GTF2IRD1: variants seen among roughly 807,000 people sequenced by gnomAD.
The protein encoded by GTF2IRD1 is GTF2I repeat domain containing 1, also known as general transcription factor II-I repeat domain-containing protein 1.
Under a neutral mutation model 113.2 loss-of-function variants are expected in GTF2IRD1, and 26 were observed. The ratio of observed to expected loss-of-function variants is 0.23; its 90% CI spans 0.17 to 0.32. GTF2IRD1 has a LOEUF of 0.32. Among genes scored for constraint, GTF2IRD1 ranks in the 10% least tolerant of loss-of-function variants. GTF2IRD1 has a pLI of 1.00. For missense variants in GTF2IRD1, 864 were observed against 1,280.8 expected (o/e 0.67, Z 4.97); for synonymous variants, 484 against 529.1 (o/e 0.91, Z 1.17).
At chr7:74,546,186 G>A (rs1156552284) in intron 16 of GTF2IRD1, among the ~76,000 whole-genome samples, 1 of 150,868 alleles carries the variant, frequency 6.6e-6, no homozygotes, top group Non-Finnish European at 1.5e-5. Context: ...GTGGTGTGCC[G>A]GGCATGAGGC....
At chr7:74,565,019 A>G (rs1350891108) in intron 22 of GTF2IRD1, among the ~76,000 whole-genome samples, 2 of 151,226 alleles carry the variant, frequency 1.3e-5, no homozygotes, top group Non-Finnish European at 2.9e-5. Flanking sequence ...AAAGCACCAG[A>G]CTGAACTGGA....
At chr7:74,563,159 C>A (rs1484512649) in intron 22 of GTF2IRD1, among the ~76,000 whole-genome samples, 1 of 151,822 alleles carries the variant, frequency 6.6e-6, no homozygotes, top group Non-Finnish European at 1.5e-5. Flanking sequence ...AAAGGCCTAA[C>A]GGTGGGATCT....
rs539692009 is a variant in GTF2IRD1, at chr7:74,491,233, G to A, written c.-6-16842G>A. Among the ~76,000 whole-genome samples, 5 of 151,934 alleles carry A rather than the reference G, an allele frequency of 3.3e-5. No individual in the cohort carries two copies. The East Asian group carries it at 5.8e-4, about 18-fold the overall frequency. On this transcript the variant is annotated intron_variant, in intron 1 of 26. Coordinates refer to ENST00000424337, the MANE Select transcript of GTF2IRD1 (RefSeq NM_005685.4). The stretch of plus-strand genomic sequence containing the variant: ...AGGCACGAGAATCGCCTGAACCCTG[G>A]AGGTGGAGGTTGCAGTGAGCTGAGA...
intron 17 of GTF2IRD1, among the ~76,000 whole-genome samples, chr7:74,553,074 G>A (rs1554355538): frequency 1.3e-5 from 2 of 152,254 alleles, no homozygotes; most frequent in East Asian, 3.9e-4. Flanking sequence ...CTAACCTTAA[G>A]TGATCCATCC....
rs587768508 is a variant in GTF2IRD1, at chr7:74,582,838, G to A, written c.2321-7013G>A. On this transcript the variant is annotated intron_variant, in intron 22 of 26. Transcript: ENST00000424337. ...TACTCCATTTCCTTCAAAAACTCAC[G>A]ATTTAAAAAAATGTAGCCTGGGCAA... 6.6e-5 allele frequency among the ~76,000 whole-genome samples: 10 copies of A among 151,814 alleles called. No individual in the cohort carries two copies. In the East Asian group the frequency reaches 9.7e-4, roughly 15 times the overall value.
chr7:74,572,313 A>G (rs1256217449), intron 22 of GTF2IRD1, among the ~76,000 whole-genome samples: 2 of 152,190 alleles, frequency 1.3e-5, no homozygotes, highest in Non-Finnish European at 2.9e-5. Flanking sequence ...ATCTTGGATA[A>G]GTTAACCTAC....
At chr7:74,526,631 A>G (rs959726171) in intron 8 of GTF2IRD1, among the ~76,000 whole-genome samples, 34 of 152,240 alleles carry the variant, frequency 2.2e-4, no homozygotes, top group Middle Eastern at 3.4e-3. Flanking sequence ...CCCCTTCCCA[A>G]GGGGCAACAG....
intron 1 of GTF2IRD1, among the ~76,000 whole-genome samples, chr7:74,468,096 C>A (rs547054532): frequency 1.3e-5 from 2 of 152,166 alleles, no homozygotes; most frequent in African/African-American, 4.8e-5. Flanking sequence ...CCCCAGTGTA[C>A]ACAGCTCCCC....
At chr7:74,540,905 G>T (rs1489481510) in intron 14 of GTF2IRD1, among the ~76,000 whole-genome samples, 1 of 151,956 alleles carries the variant, frequency 6.6e-6, no homozygotes, top group Admixed American at 6.6e-5. Context: ...GGGATTACAG[G>T]CGCCCGCCAC....
intron 17 of GTF2IRD1, among the ~76,000 whole-genome samples, chr7:74,550,037 CA>C (rs34689973): frequency 0.33 from 47,480 of 142,056 alleles, 9,464 homozygotes; most frequent in African/African-American, 0.58. Flanking sequence ...AACTCCATCT[CA>C]AAAAAAAAAA....
intron 17 of GTF2IRD1, among the ~76,000 whole-genome samples, chr7:74,553,012 A>T (rs1223674006): frequency 1.3e-5 from 2 of 151,884 alleles, no homozygotes; most frequent in African/African-American, 2.4e-5. Context: ...TAAATTTTGT[A>T]TTTTTAGTAG....
intron 8 of GTF2IRD1, among the ~76,000 whole-genome samples, chr7:74,528,456 T>A (rs1797731031): frequency 6.6e-6 from 1 of 152,038 alleles, no homozygotes; most frequent in South Asian, 2.1e-4. Flanking sequence ...CCAACAACTG[T>A]AGCCTTCCAA....
intron 24 of GTF2IRD1, 93 bp downstream of exon 24, chr7:74,591,110 C>A: frequency 1.4e-6 from 1 of 737,370 alleles, no homozygotes; most frequent in Non-Finnish European, 2.3e-6. Flanking sequence ...GGGATCCAGA[C>A]CCAGGTGTAC....
At chr7:74,538,293 CCT>C in intron 12 of GTF2IRD1, 120 bp downstream of exon 12, 1 of 939,120 alleles carries the variant, frequency 1.1e-6, no homozygotes, top group South Asian at 1.4e-5. Context: ...TAACGAGCCT[CCT>C]CTGCCCACCT....
Position 74,593,682 on chromosome 7 carries a change from A to G in GTF2IRD1, c.2592-1332A>G, listed in dbSNP as rs587645690. On this transcript the variant is annotated intron_variant, in intron 24 of 26. Coordinates refer to ENST00000424337, the MANE Select transcript of GTF2IRD1 (RefSeq NM_005685.4). Reference sequence around the variant, plus strand: ...TGGGAGGCGGAGCTTGCAGTGAGCCAAGATAGTGTCACTGCACTCCAGCCT... The same window carrying G: ...TGGGAGGCGGAGCTTGCAGTGAGCCGAGATAGTGTCACTGCACTCCAGCCT... Among the ~76,000 whole-genome samples the G allele has an allele frequency of 1.7e-4, 25 of 150,342 alleles. No homozygotes were observed. In the East Asian group the frequency reaches 4.7e-3, roughly 28 times the overall value.
intron 9 of GTF2IRD1, among the ~76,000 whole-genome samples, chr7:74,532,251 A>G (rs782199921): frequency 1.3e-5 from 2 of 152,088 alleles, no homozygotes; most frequent in Non-Finnish European, 2.9e-5. Context: ...AATAAATAAA[A>G]CTGTAAATAA....
At chr7:74,496,897 T>C (rs1325110334) in intron 1 of GTF2IRD1, among the ~76,000 whole-genome samples, 1 of 152,032 alleles carries the variant, frequency 6.6e-6, no homozygotes, top group African/African-American at 2.4e-5. Flanking sequence ...CATGGTGGCT[T>C]ATGCCTATAA....
intron 1 of GTF2IRD1, among the ~76,000 whole-genome samples, chr7:74,500,639 C>T (rs1303592025): frequency 1.3e-5 from 2 of 152,114 alleles, no homozygotes; most frequent in East Asian, 1.9e-4. Flanking sequence ...CTTTGCATCA[C>T]GTGTGTGGTC....
chr7:74,503,222 G>C (rs888363090), intron 1 of GTF2IRD1, among the ~76,000 whole-genome samples: 1 of 151,938 alleles, frequency 6.6e-6, no homozygotes, highest in East Asian at 1.9e-4. Context: ...GGTCACCTCT[G>C]ATGAGGTAGG....
Sources: gnomAD v4.1 joint callset for allele counts (sites outside exome capture counted in the v4.1 genomes callset) on GRCh38, gnomAD v4.1.1 for gene constraint, MANE v1.5 for transcripts, NCBI Gene and HGNC (gene_info 2026-07-23, HGNC 2026-07-21) for gene names.